UGT1A3: variants seen among roughly 807,000 people sequenced by gnomAD.
UGT1A3 encodes the protein UDP glucuronosyltransferase family 1 member A3.
In UGT1A3, 31 loss-of-function variants were observed where a neutral mutation model predicts 41.0. The observed-to-expected ratio is 0.76, with a 90% CI of 0.57 to 1.02. The LOEUF is 1.02. Ranked by LOEUF, UGT1A3 falls within the 50% of genes least tolerant of loss-of-function variation. The probability of loss-of-function intolerance (pLI) is 0.00; values close to 1 mark genes in which losing one functional copy is unlikely to be tolerated. For synonymous variants in UGT1A3, 262 were observed against 257.6 expected (o/e 1.02, Z -0.17); for missense variants, 737 against 671.0 (o/e 1.10, Z -1.09).
At chr2:233,750,201 G>A (rs967986418) in intron 1 of UGT1A3, among the ~76,000 whole-genome samples, 17 of 151,984 alleles carry the variant, frequency 1.1e-4, no homozygotes, top group African/African-American at 3.6e-4. Flanking sequence ...ATGAAGTCCA[G>A]GCTGAGTCTC....
chr2:233,755,324 A>G lies in UGT1A3; in HGVS notation c.868-11710A>G, dbSNP rs539104570. On this transcript the variant is annotated intron_variant, in intron 1 of 4. Transcript: ENST00000482026. Reference sequence around the variant, plus strand: ...TGGCACAGCGAGCGGCAAGGCTGCCAGCACCCGCGCACAGGTCAGAGGCTT... The same window carrying G: ...TGGCACAGCGAGCGGCAAGGCTGCCGGCACCCGCGCACAGGTCAGAGGCTT... 5.9e-4 allele frequency: 289 copies of G among 488,866 alleles called. 2 individuals are homozygous for G. The highest frequency in any genetic ancestry group is 5.4e-3 in the African/African-American group (267 of 49,540). The allele number at this position is 488,866 out of a possible 1,614,324, so 30.3% of individuals were successfully genotyped here.
intron 2 of UGT1A3, 44 bp downstream of exon 2, chr2:233,767,209 A>G: frequency 1.2e-6 from 2 of 1,613,062 alleles, no homozygotes; most frequent in Non-Finnish European, 1.7e-6. Flanking sequence ...TTTTCACAGG[A>G]GCGCTAATCC....
At chr2:233,731,532 G>A (rs1386251909) in intron 1 of UGT1A3, among the ~76,000 whole-genome samples, 1 of 152,172 alleles carries the variant, frequency 6.6e-6, no homozygotes, top group Non-Finnish European at 1.5e-5. Context: ...AGAACATGCG[G>A]TGTTTGGTTT....
intron 1 of UGT1A3, among the ~76,000 whole-genome samples, chr2:233,765,217 G>C (rs1406021636): frequency 6.6e-6 from 1 of 152,092 alleles, no homozygotes; most frequent in Non-Finnish European, 1.5e-5. Flanking sequence ...AGTATTCTTT[G>C]CAAACATAAA....
chr2:233,752,759 A>G (rs942722882), intron 1 of UGT1A3, among the ~76,000 whole-genome samples: 3 of 152,242 alleles, frequency 2.0e-5, no homozygotes, highest in African/African-American at 7.2e-5. Context: ...ACAAACAAAC[A>G]AACAAACAAA....
intron 1 of UGT1A3, chr2:233,760,899 G>A (rs1697604278): frequency 6.2e-7 from 1 of 1,613,886 alleles, no homozygotes. Context: ...CAGATCACAT[G>A]ACCTTCCTGC....
intron 1 of UGT1A3, chr2:233,760,706 T>G (rs1396464237): frequency 2.5e-6 from 4 of 1,614,118 alleles, no homozygotes; most frequent in African/African-American, 1.3e-5. Flanking sequence ...ATGGCCTCCC[T>G]GGCAGAAAGC....
At chr2:233,761,014 A>G (rs756396505) in intron 1 of UGT1A3, 2 of 1,614,180 alleles carry the variant, frequency 1.2e-6, no homozygotes, top group South Asian at 1.1e-5. Flanking sequence ...GAGAGAGGTG[A>G]CTGTCCAGGA....
chr2:233,743,699 GC>G, intron 1 of UGT1A3: 2 of 1,367,268 alleles, frequency 1.5e-6, no homozygotes, highest in Non-Finnish European at 2.0e-6. Context: ...GCCGCCCTCC[GC>G]CCCCGCCTCG....
chr2:233,769,459 A>G lies in UGT1A3; in HGVS notation c.1307+1020A>G. On this transcript the variant is annotated intron_variant, in intron 4 of 4. Coordinates refer to ENST00000482026, the MANE Select transcript of UGT1A3 (RefSeq NM_019093.4). This position sits in a 1 kb window ranked among gnomAD's most constrained non-coding sequence, Gnocchi z 4.4. The stretch of plus-strand genomic sequence containing the variant: ...TGTGTGGGTGCACACGTGTGCATTC[A>G]TATGCGTGTGTGTGTGTGTGCGTGT... 1 of 1,591,312 alleles carries G rather than the reference A, an allele frequency of 6.3e-7. No individual in the cohort carries two copies. Among genetic ancestry groups the G allele is most frequent in the Non-Finnish European group, 8.6e-7 (1 of 1,161,842 alleles).
At chr2:233,733,672 G>A (rs1353617171) in intron 1 of UGT1A3, among the ~76,000 whole-genome samples, 2 of 152,204 alleles carry the variant, frequency 1.3e-5, no homozygotes, top group African/African-American at 4.8e-5. Flanking sequence ...GATCGATGTG[G>A]ATAAACTTTT....
chr2:233,772,211 T>C, intron 4 of UGT1A3, 51 bp from the exon 5 acceptor site: 2 of 1,610,790 alleles, frequency 1.2e-6, no homozygotes, highest in Non-Finnish European at 1.7e-6. Flanking sequence ...AAAGAGAGGA[T>C]TGTTCATACC....
chr2:233,771,027 G>T (rs186703216), intron 4 of UGT1A3: 5 of 152,078 alleles, frequency 3.3e-5, no homozygotes, highest in Admixed American at 1.3e-4. Flanking sequence ...GAGAGAGTTG[G>T]GGGGGAAGGT....
intron 1 of UGT1A3, among the ~76,000 whole-genome samples, chr2:233,740,158 G>A (rs2125827659): frequency 6.6e-6 from 1 of 151,948 alleles, no homozygotes; most frequent in East Asian, 1.9e-4. Flanking sequence ...GGCCTCCCCA[G>A]TCATGTGGAA....
chr2:233,760,198 T>A (rs907119126), intron 1 of UGT1A3: 1 of 1,579,636 alleles, frequency 6.3e-7, no homozygotes, highest in South Asian at 1.1e-5. Context: ...CGTGACACAG[T>A]CAAACATTAA....
Position 233,750,047 on chromosome 2 carries a change from G to A in UGT1A3, c.868-16987G>A, listed in dbSNP as rs570611446. Among the ~76,000 whole-genome samples the A allele has an allele frequency of 7.3e-4, 111 of 151,986 alleles. 3 individuals are homozygous for A. Among genetic ancestry groups the A allele is most frequent in the Non-Finnish European group, 1.1e-3 (77 of 68,028 alleles). ...CTGCTATAAAGATACTTGAAAATGT[G>A]GAAGTGACTTTGGAACTGGGTAACA... On this transcript the variant is annotated intron_variant, in intron 1 of 4. Transcript: ENST00000482026.
rs1203076441 is a variant in UGT1A3, at chr2:233,734,271, G to C, written c.867+4278G>C. Among the ~76,000 whole-genome samples, 2 of 152,098 alleles carry C rather than the reference G, an allele frequency of 1.3e-5. 1 individual carries two copies. The highest frequency in any genetic ancestry group is 1.3e-4 in the Admixed American group (2 of 15,272). ...GTCTTGGGAGGGTGTATGTGTCCAG[G>C]AATTTATCCATTTCTTCTAGATTTT... On this transcript the variant is annotated intron_variant, in intron 1 of 4. Coordinates refer to ENST00000482026, the MANE Select transcript of UGT1A3 (RefSeq NM_019093.4).
rs60469444 is a variant in UGT1A3, at chr2:233,743,994, T to G, written c.867+14001T>G. ...GCCAGCACCCAGGCGCAGGCCCGAG[T>G]GCTCGGAGACCTGGGCCGCCTGGAG... On this transcript the variant is annotated intron_variant, in intron 1 of 4. Coordinates refer to ENST00000482026, the MANE Select transcript of UGT1A3 (RefSeq NM_019093.4). 3 of 1,253,056 alleles carry G rather than the reference T, an allele frequency of 2.4e-6. No individual in the cohort carries two copies. In the African/African-American group the frequency reaches 4.7e-5, roughly 20 times the overall value. The allele number at this position is 1,253,056 out of a possible 1,614,324, so 77.6% of individuals were successfully genotyped here. A position where few individuals can be genotyped will look rare whatever the true frequency, so the allele number is the denominator to read the frequency against.
rs757687307 is a variant in UGT1A3, at chr2:233,767,853, T to A, written c.1004T>A (p.Leu335Gln). The change falls in exon 3 of 5, where the codon CTG (leucine) becomes CAG (glutamine). Residue 335 changes from leucine (L) to glutamine (Q), a missense_variant. Physicochemically the swap from Leu to Gln is moderately radical, Grantham distance 113 (BLOSUM62 -2). Transcript: ENST00000482026. ...DALGKIPQTV[L>Q]WRYTGTRPSN... ...TGCTCTTTTTGCCCCTCCCAGGTCCTGTGGCGGTACACTGGAACCCGACCA... is the reference window on the plus strand; with the variant it reads ...TGCTCTTTTTGCCCCTCCCAGGTCCAGTGGCGGTACACTGGAACCCGACCA... 7.4e-6 allele frequency: 12 copies of A among 1,614,210 alleles called. No homozygotes were observed. Among genetic ancestry groups the A allele is most frequent in the African/African-American group, 1.3e-5 (1 of 75,056 alleles).
Sources: gnomAD v4.1 joint callset for allele counts (sites outside exome capture counted in the v4.1 genomes callset) on GRCh38, gnomAD v4.1.1 for gene constraint, Gnocchi (gnomAD v3.1) non-coding constraint, MANE v1.5 for transcripts, NCBI Gene and HGNC (gene_info 2026-07-23, HGNC 2026-07-21) for gene names.